The following KDM1A variants were observed in gnomAD, a reference collection of about 807,000 sequenced individuals.
The protein encoded by KDM1A is lysine-specific histone demethylase 1A.
Under a neutral mutation model 109.4 loss-of-function variants are expected in KDM1A, and 49 were observed. The observed-to-expected ratio is 0.45, with a 90% CI of 0.36 to 0.57. The LOEUF is 0.57. Among genes scored for constraint, KDM1A ranks in the 20% least tolerant of loss-of-function variants. KDM1A has a pLI of 0.00. For missense variants in KDM1A, 668 were observed against 1,116.6 expected, an observed-to-expected ratio of 0.60 and a Z score of 5.73; for synonymous variants, 380 against 415.4, an observed-to-expected ratio of 0.91 and a Z score of 1.04.
chr1:23,061,296 G>C (rs1022332060), intron 9 of KDM1A, among the ~76,000 whole-genome samples: 1 of 152,084 alleles, frequency 6.6e-6, no homozygotes, highest in Non-Finnish European at 1.5e-5. Flanking sequence ...GAAGAAAGTG[G>C]TGCGTTGATT....
Position 23,079,279 on chromosome 1 carries a change from C to A in KDM1A, c.2055+102C>A. On this transcript the variant is annotated intron_variant, in intron 17 of 20. Transcript: ENST00000400181. The surrounding 1 kb of genome is among the most constrained non-coding windows in gnomAD (Gnocchi z 5.6). The stretch of plus-strand genomic sequence containing the variant: ...TGGCCTTGCATTTTTGGGCATTTGG[C>A]TATGCTCCCAATTGTGACATCAGGG... 1 of 1,202,014 alleles carries A rather than the reference C, an allele frequency of 8.3e-7. No individual in the cohort carries two copies. Among genetic ancestry groups the A allele is most frequent in the Non-Finnish European group, 1.2e-6 (1 of 846,912 alleles). 74.5% of individuals were successfully genotyped at this position (1,202,014 alleles called of 1,614,324 possible). A position where few individuals can be genotyped will look rare whatever the true frequency, so the allele number is the denominator to read the frequency against.
chr1:23,058,508 G>T (rs375184872), intron 8 of KDM1A, among the ~76,000 whole-genome samples: 2 of 152,042 alleles, frequency 1.3e-5, no homozygotes, highest in Non-Finnish European at 2.9e-5. Flanking sequence ...GAGCCACAAC[G>T]CCCGGCCTTG....
chr1:23,027,254 T>C (rs1180803375), intron 1 of KDM1A, among the ~76,000 whole-genome samples: 1 of 152,100 alleles, frequency 6.6e-6, no homozygotes, highest in Non-Finnish European at 1.5e-5. Flanking sequence ...AGCATGATAG[T>C]CTTCTTTTAG....
In KDM1A at chr1:23,083,094, CAGCAATTTAAGTACTT is replaced by C. The variant is rs1237907642; in HGVS notation, c.2446-70_2446-55del. 20 of 1,298,656 alleles carry C rather than the reference CAGCAATTTAAGTACTT, an allele frequency of 1.5e-5. No individual in the cohort carries two copies. The East Asian group carries it at 2.1e-4, about 14-fold the overall frequency. The allele number at this position is 1,298,656 out of a possible 1,614,324, so 80.4% of individuals were successfully genotyped here. On this transcript the variant is annotated intron_variant, in intron 20 of 20. Coordinates refer to ENST00000400181, the MANE Select transcript of KDM1A (RefSeq NM_001009999.3). The stretch of plus-strand genomic sequence containing the variant: ...GGGGGTCAGCCTTTAAAAAGGTCAA[CAGCAATTTAAGTACTT>C]AGCAATTTAAGTACAAGAATAAAGG...
intron 13 of KDM1A, 69 bp from the exon 14 acceptor site, chr1:23,072,055 T>C (rs2124519299): frequency 2.2e-6 from 2 of 918,930 alleles, no homozygotes; most frequent in East Asian, 2.6e-5. Context: ...CCTTATACTT[T>C]GTGGTACAAA....
At chr1:23,077,385 AAG>A (rs1366918355) in intron 16 of KDM1A, 25 bp downstream of exon 16, 5 of 1,600,992 alleles carry the variant, frequency 3.1e-6, no homozygotes, top group Non-Finnish European at 4.3e-6. Flanking sequence ...TACAAAAGGT[AAG>A]AGAGAACTCT....
At chr1:23,027,255 C>T (rs1269030202) in intron 1 of KDM1A, among the ~76,000 whole-genome samples, 1 of 152,014 alleles carries the variant, frequency 6.6e-6, no homozygotes, top group Non-Finnish European at 1.5e-5. Context: ...GCATGATAGT[C>T]TTCTTTTAGC....
intron 1 of KDM1A, among the ~76,000 whole-genome samples, chr1:23,021,174 A>G (rs1641616756): frequency 6.6e-6 from 1 of 152,192 alleles, no homozygotes; most frequent in Non-Finnish European, 1.5e-5. Flanking sequence ...AACTCTCTAA[A>G]GTATAACCAG....
At chr1:23,026,373 T>A (rs1366662506) in intron 1 of KDM1A, among the ~76,000 whole-genome samples, 1 of 132,842 alleles carries the variant, frequency 7.5e-6, no homozygotes, top group Non-Finnish European at 1.6e-5. Flanking sequence ...TTGTGTGTTT[T>A]TGTTTTTTGT....
chr1:23,083,169 C>T lies in KDM1A; in HGVS notation c.2446-10C>T. 1 of 1,601,456 alleles carries T rather than the reference C, an allele frequency of 6.2e-7. No homozygotes were observed. The highest frequency in any genetic ancestry group is 8.5e-7 in the Non-Finnish European group (1 of 1,170,592). ...CAGCCTGCCAATTTTCTCTTTTTCC[C>T]CTAAAATAGCCGATTCCACGACTCT... On this transcript the variant is annotated splice_polypyrimidine_tract_variant and intron_variant, in intron 20 of 20. Coordinates refer to ENST00000400181, the MANE Select transcript of KDM1A (RefSeq NM_001009999.3).
intron 10 of KDM1A, among the ~76,000 whole-genome samples, chr1:23,066,311 A>G (rs1030763094): frequency 2.0e-5 from 3 of 152,148 alleles, no homozygotes; most frequent in African/African-American, 7.2e-5. Flanking sequence ...GGAAAGTGTA[A>G]TGAATCCAGT....
chr1:23,028,396 G>C lies in KDM1A; in HGVS notation c.352-2073G>C, dbSNP rs142118059. Among the ~76,000 whole-genome samples, 407 of 152,312 alleles carry C rather than the reference G, an allele frequency of 2.7e-3. 4 individuals carry two copies. Among genetic ancestry groups the C allele is most frequent in the African/African-American group, 9.1e-3 (377 of 41,556 alleles). Reference sequence around the variant, plus strand: ...GGCCTGTAAAGATTGCAGTTTCCCAGACTTGATATTGGATACTTTACTCCT... The same window carrying C: ...GGCCTGTAAAGATTGCAGTTTCCCACACTTGATATTGGATACTTTACTCCT... On this transcript the variant is annotated intron_variant, in intron 1 of 20. Coordinates refer to ENST00000400181, the MANE Select transcript of KDM1A (RefSeq NM_001009999.3).
chr1:23,055,915 TCA>T lies in KDM1A; in HGVS notation c.884-16_884-15del. ...TATACCTAAAACAAAATCTTTTTTT[TCA>T]TTTTTTGCTTTTAGCTAAAAAGACA... is the stretch of plus-strand genomic sequence containing the variant. On this transcript the variant is annotated splice_polypyrimidine_tract_variant and intron_variant, in intron 6 of 20. Transcript: ENST00000400181. 2 of 1,554,322 alleles carry T rather than the reference TCA, an allele frequency of 1.3e-6. No homozygotes were observed. The highest frequency in any genetic ancestry group is 1.4e-5 in the African/African-American group (1 of 72,938).
At chr1:23,058,030 G>A (rs1642887232) in intron 8 of KDM1A, 1 of 152,328 alleles carries the variant, frequency 6.6e-6, no homozygotes, top group Admixed American at 6.5e-5. Context: ...ACGTGGCATT[G>A]TTTTTGTTTG....
chr1:23,075,067 A>AT (rs1643424175), intron 15 of KDM1A, among the ~76,000 whole-genome samples: 1 of 152,234 alleles, frequency 6.6e-6, no homozygotes, highest in African/African-American at 2.4e-5. Context: ...TTCTAGGTCA[A>AT]TTTAGGGTGA....
intron 2 of KDM1A, among the ~76,000 whole-genome samples, chr1:23,036,880 G>C (rs577592310): frequency 6.6e-6 from 1 of 152,176 alleles, no homozygotes; most frequent in East Asian, 1.9e-4. Context: ...GTTCCTCATT[G>C]ACTTTATTCT....
chr1:23,080,206 C>T (rs1049748723), intron 18 of KDM1A, among the ~76,000 whole-genome samples: 40 of 152,128 alleles, frequency 2.6e-4, no homozygotes, highest in African/African-American at 8.7e-4. Flanking sequence ...TTGGCTTGCT[C>T]CCCATCCCCA....
intron 1 of KDM1A, among the ~76,000 whole-genome samples, chr1:23,030,062 G>A (rs374569799): frequency 2.0e-5 from 3 of 152,202 alleles, no homozygotes; most frequent in African/African-American, 7.2e-5. Context: ...CCCTGGAGTA[G>A]TAGTTAGAAG....
chr1:23,082,230 CTG>C lies in KDM1A; in HGVS notation c.2312_2313del (p.Val771GlyfsTer7). ...TGGTTTTTCTTTTAGCCCAAAGAAA[CTG>C]TGGTGTCTCGTTGGCGTGCTGATCC... On this transcript the variant is annotated frameshift_variant, in exon 20 of 21. Coordinates refer to ENST00000400181, the MANE Select transcript of KDM1A (RefSeq NM_001009999.3). LOFTEE classifies it high-confidence loss of function. 1.2e-6 allele frequency: 2 copies of C among 1,613,470 alleles called. No individual in the cohort carries two copies. The highest frequency in any genetic ancestry group is 1.7e-6 in the Non-Finnish European group (2 of 1,179,844).
Sources: gnomAD v4.1 joint callset for allele counts (sites outside exome capture counted in the v4.1 genomes callset) on GRCh38, gnomAD v4.1.1 for gene constraint, Gnocchi (gnomAD v3.1) non-coding constraint, MANE v1.5 for transcripts, NCBI Gene and HGNC (gene_info 2026-07-23, HGNC 2026-07-21) for gene names.